UHRF1: variants seen among roughly 807,000 people sequenced by gnomAD.
UHRF1 encodes E3 ubiquitin-protein ligase UHRF1.
A neutral mutation model predicts 96.5 loss-of-function variants in UHRF1; 9 were observed. The ratio of observed to expected loss-of-function variants is 0.09; its 90% confidence interval spans 0.06 to 0.16. The LOEUF (loss-of-function observed/expected upper bound fraction) is 0.16. Among genes scored for constraint, UHRF1 ranks in the 10% least tolerant of loss-of-function variants. The probability of loss-of-function intolerance (pLI) is 1.00; values close to 1 mark genes in which losing one functional copy is unlikely to be tolerated. For missense variants in UHRF1, 626 were observed against 1,131.1 expected (o/e 0.55, Z 6.40); for synonymous variants, 455 against 469.9 (o/e 0.97, Z 0.41).
At chr19:4,911,350 G>C (rs1282815701) in intron 2 of UHRF1, among the ~76,000 whole-genome samples, 1 of 152,134 alleles carries the variant, frequency 6.6e-6, no homozygotes, top group Non-Finnish European at 1.5e-5. Context: ...GGAGGTGGCC[G>C]ATGGAAGGCT....
At chr19:4,950,405 G>T (rs368480187) in intron 11 of UHRF1, among the ~76,000 whole-genome samples, 1 of 151,668 alleles carries the variant, frequency 6.6e-6, no homozygotes, top group African/African-American at 2.4e-5. Context: ...CACCACGCCC[G>T]GCTAACTTTT....
Position 4,945,929 on chromosome 19 carries a change from C to T in UHRF1, c.1374C>T (p.Tyr458=), listed in dbSNP as rs1187912339. ...ACGGCCGGAGCAACGACGGAGCGTA[C>T]TCCCTAGTCCTGGCGGGGGGCTATG... ...GIHGRSNDGA[Y]SLVLAGGYED... is the part of the protein sequence containing the mutation. The change falls in exon 10 of 17, where the codon TAC becomes TAT. Residue 458 remains tyrosine (Y), a synonymous_variant. Transcript: ENST00000650932. 3 of 1,608,064 alleles carry T rather than the reference C, an allele frequency of 1.9e-6. No individual in the cohort carries two copies. Among genetic ancestry groups the T allele is most frequent in the Admixed American group, 1.7e-5 (1 of 59,482 alleles).
At chr19:4,920,812 A>G (rs2032677110) in intron 2 of UHRF1, among the ~76,000 whole-genome samples, 5 of 152,186 alleles carry the variant, frequency 3.3e-5, no homozygotes, top group Admixed American at 3.3e-4. Flanking sequence ...CCAGTGGCTC[A>G]TGGATCACAC....
chr19:4,928,076 CA>C (rs890546403), intron 2 of UHRF1, among the ~76,000 whole-genome samples: 11 of 152,074 alleles, frequency 7.2e-5, no homozygotes, highest in Admixed American at 5.9e-4. Flanking sequence ...AATCCTTCAC[CA>C]GGGGGTCTCA....
chr19:4,904,247 C>T (rs923517225), intron 1 of UHRF1, among the ~76,000 whole-genome samples: 4 of 152,002 alleles, frequency 2.6e-5, no homozygotes, highest in African/African-American at 9.7e-5. Context: ...GGTGCGATCT[C>T]GGCTCACTGC....
In UHRF1 at chr19:4,903,308, G is replaced by A. The variant is rs545510713; in HGVS notation, c.-348G>A. ...GCTGGGATTGCAGGCGTGAGCCACT[G>A]CACCTGGGCTTTTTCTTTTTTTGAG... On this transcript the variant is annotated 5_prime_UTR_variant, in exon 1 of 17. Transcript: ENST00000612630. 2.1e-3 allele frequency: 344 copies of A among 161,450 alleles called. 1 individual carries two copies. Among genetic ancestry groups the A allele is most frequent in the Middle Eastern group, 6.5e-3 (2 of 306 alleles). 10.0% of individuals were successfully genotyped at this position (161,450 alleles called of 1,614,324 possible). A position where few individuals can be genotyped will look rare whatever the true frequency, so the allele number is the denominator to read the frequency against.
In UHRF1 at chr19:4,932,747, G is replaced by A. The variant is rs760395600; in HGVS notation, c.576G>A (p.Pro192=). ...VIYHVKYDDY[P]ENGVVQMNSR... ...GCCCGGGCTTTCCTCCCAGCTACCCGGAGAACGGCGTGGTCCAGATGAACT... is the reference window on the plus strand; with the variant it reads ...GCCCGGGCTTTCCTCCCAGCTACCCAGAGAACGGCGTGGTCCAGATGAACT... Residue 192 remains proline (P), a synonymous_variant, in exon 5 of 17, where the codon CCG becomes CCA. Transcript: ENST00000650932. 3.7e-6 allele frequency: 6 copies of A among 1,613,550 alleles called. No homozygotes were observed. Among genetic ancestry groups the A allele is most frequent in the Admixed American group, 1.7e-5 (1 of 60,000 alleles).
intron 2 of UHRF1, among the ~76,000 whole-genome samples, chr19:4,927,206 C>G (rs1202685917): frequency 2.0e-5 from 3 of 151,844 alleles, no homozygotes; most frequent in Non-Finnish European, 2.9e-5. Flanking sequence ...ATGGCGAGAC[C>G]CTGTCTCTAC....
At chr19:4,914,561 G>T (rs902453638) in intron 2 of UHRF1, among the ~76,000 whole-genome samples, 7 of 152,080 alleles carry the variant, frequency 4.6e-5, no homozygotes, top group African/African-American at 1.7e-4. Context: ...TCACTTGATG[G>T]GCGGGAACGC....
rs535809446 is a variant in UHRF1 at position 4,956,355 on chromosome 19, G to A, written c.2131-354G>A. Among the ~76,000 whole-genome samples the A allele has an allele frequency of 3.9e-5, 6 of 152,290 alleles. No individual in the cohort carries two copies. The South Asian group carries it at 1.0e-3, about 26-fold the overall frequency. On this transcript the variant is annotated intron_variant, in intron 15 of 16. Coordinates refer to ENST00000650932, the MANE Select transcript of UHRF1 (RefSeq NM_001048201.3). ...TCTGGGATGACAGGCGTGAGCTGCC[G>A]CTCCCAGCCAGGAACCTCTCCTAAA...
chr19:4,946,304 TCA>T, intron 10 of UHRF1, among the ~76,000 whole-genome samples: 1 of 152,214 alleles, frequency 6.6e-6, no homozygotes, highest in South Asian at 2.1e-4. Context: ...CTGGCTCCTC[TCA>T]CTGAGCCCGA....
At chr19:4,939,382 T>C (rs1200687362) in intron 5 of UHRF1, among the ~76,000 whole-genome samples, 2 of 51,688 alleles carry the variant, frequency 3.9e-5, no homozygotes, top group African/African-American at 2.3e-4. Flanking sequence ...TTTTTCTTTC[T>C]TTTTTTTTGA....
At chr19:4,938,807 G>C (rs1239103589) in intron 5 of UHRF1, among the ~76,000 whole-genome samples, 2 of 134,204 alleles carry the variant, frequency 1.5e-5, no homozygotes, top group South Asian at 4.9e-4. Flanking sequence ...GCAATGGCAA[G>C]CTCTCAGTTC....
At position 4,954,927 on chromosome 19, in the gene UHRF1, C is replaced by A; in HGVS notation, c.2130+105C>A. 7.3e-7 allele frequency: 1 copy of A among 1,377,944 alleles called. No homozygotes were observed. The highest frequency in any genetic ancestry group is 1.4e-5 in the African/African-American group (1 of 69,796). 85.4% of individuals were successfully genotyped at this position (1,377,944 alleles called of 1,614,324 possible). A position where few individuals can be genotyped will look rare whatever the true frequency, so the allele number is the denominator to read the frequency against. On this transcript the variant is annotated intron_variant, in intron 15 of 16. Transcript: ENST00000650932. The surrounding 1 kb of genome is among the most constrained non-coding windows in gnomAD (Gnocchi z 5.9). ...CATTTTCAAGTGTACAGCTCAGTCG[C>A]ACTGAGTACATTCTTGTGGTTGTGC... is the stretch of plus-strand genomic sequence containing the variant.
intron 5 of UHRF1, 33 bp from the exon 6 acceptor site, chr19:4,941,495 G>A (rs1219064333): frequency 6.3e-7 from 1 of 1,577,790 alleles, no homozygotes; most frequent in Admixed American, 1.8e-5. Flanking sequence ...GCCTCGGCAG[G>A]CCAGAATGTT....
chr19:4,943,804 C>G (rs1367870858), intron 7 of UHRF1, among the ~76,000 whole-genome samples: 1 of 152,170 alleles, frequency 6.6e-6, no homozygotes, highest in Non-Finnish European at 1.5e-5. Flanking sequence ...GTGCCCACCA[C>G]CATGCCCGGC....
intron 13 of UHRF1, among the ~76,000 whole-genome samples, chr19:4,951,758 G>A (rs1392898550): frequency 1.3e-5 from 2 of 151,498 alleles, no homozygotes; most frequent in Non-Finnish European, 2.9e-5. Flanking sequence ...GAGAGATCTG[G>A]ACGGAAAAAT....
At position 4,929,429 on chromosome 19, in the gene UHRF1, C is replaced by T. The variant is rs774501553; in HGVS notation, c.361C>T (p.Pro121Ser). 1 of 1,613,910 alleles carries T rather than the reference C, an allele frequency of 6.2e-7. No homozygotes were observed. Among genetic ancestry groups the T allele is most frequent in the Non-Finnish European group, 8.5e-7 (1 of 1,179,878 alleles). Reference sequence around the variant, plus strand: ...GGCGGCCGCCGAGACTGACAGCAGGCCAGCCGATGAGGACATGTGGGATGA... The same window carrying T: ...GGCGGCCGCCGAGACTGACAGCAGGTCAGCCGATGAGGACATGTGGGATGA... Reference protein sequence around the residue: ...GEAAAETDSRPADEDMWDETE... With the variant: ...GEAAAETDSRSADEDMWDETE... Residue 121 changes from proline (P) to serine (S), a missense_variant, in exon 3 of 17, where the codon CCA (proline) becomes TCA (serine). Pro to Ser is a moderately conservative substitution (Grantham distance 74). This residue lies in a region of UHRF1 where 22 missense variants were observed against 16.4 expected (regional missense o/e 1.34). Transcript: ENST00000650932.
chr19:4,911,102 A>C, intron 2 of UHRF1, 64 bp downstream of exon 2: 1 of 1,407,330 alleles, frequency 7.1e-7, no homozygotes, highest in Non-Finnish European at 9.4e-7. Context: ...TGCAGCCACC[A>C]GCCGATACTT....
Sources: gnomAD v4.1 joint callset for allele counts (sites outside exome capture counted in the v4.1 genomes callset) on GRCh38, gnomAD v4.1.1 for gene constraint, gnomAD v4.1.1 regional missense constraint, Gnocchi (gnomAD v3.1) non-coding constraint, MANE v1.5 for transcripts, NCBI Gene and HGNC (gene_info 2026-07-23, HGNC 2026-07-21) for gene names.